Variants in MAML3 observed in about 807,000 individuals in gnomAD.
MAML3 encodes mastermind-like protein 3.
In MAML3, 27 loss-of-function variants were observed where a neutral mutation model predicts 101.9. That is an observed-to-expected ratio of 0.27 (90% CI 0.20 to 0.37). MAML3 has a LOEUF of 0.37. MAML3 is among the 10% of genes least tolerant of loss of function. The probability of loss-of-function intolerance (pLI) is 1.00; values close to 1 mark genes in which losing one functional copy is unlikely to be tolerated. For missense variants in MAML3, 1,316 were observed against 1,444.9 expected, an observed-to-expected ratio of 0.91 and a Z score of 1.45; for synonymous variants, 501 against 555.9, an observed-to-expected ratio of 0.90 and a Z score of 1.39.
At chr4:139,907,511 A>G (rs1287877649) in intron 1 of MAML3, among the ~76,000 whole-genome samples, 1 of 152,266 alleles carries the variant, frequency 6.6e-6, no homozygotes, top group Non-Finnish European at 1.5e-5. Flanking sequence ...CATGAAAGAA[A>G]AATTACACTT....
intron 1 of MAML3, among the ~76,000 whole-genome samples, chr4:140,101,839 G>A: frequency 6.6e-6 from 1 of 151,432 alleles, no homozygotes; most frequent in East Asian, 1.9e-4. Context: ...CACGTGCTGG[G>A]TCAGCTGAGC....
intron 2 of MAML3, among the ~76,000 whole-genome samples, chr4:139,827,523 C>T (rs1158212458): frequency 3.3e-5 from 5 of 151,962 alleles, no homozygotes; most frequent in Non-Finnish European, 7.4e-5. Context: ...TTAAAAATTA[C>T]AAAGGACTAG....
At chr4:140,145,595 C>T (rs994362382) in intron 1 of MAML3, among the ~76,000 whole-genome samples, 1 of 152,088 alleles carries the variant, frequency 6.6e-6, no homozygotes, top group African/African-American at 2.4e-5. Context: ...GAGACAGGGT[C>T]TCACTCTGTC....
chr4:139,748,389 A>AG lies in MAML3; in HGVS notation c.2080-17723dup, dbSNP rs201634071. On this transcript the variant is annotated intron_variant, in intron 2 of 4. Transcript: ENST00000509479. ...GTCACTAAGGGACCTGAATACCAGG[A>AG]GGAGGGTCTAGAAATGGAAAGAAGT... Among the ~76,000 whole-genome samples, 763 of 152,334 alleles carry AG rather than the reference A, an allele frequency of 5.0e-3. 23 individuals are homozygous for AG. The highest frequency in any genetic ancestry group is 0.046 in the Admixed American group (707 of 15,294).
chr4:139,857,603 A>G (rs959092469), intron 2 of MAML3, among the ~76,000 whole-genome samples: 1 of 152,166 alleles, frequency 6.6e-6, no homozygotes, highest in Non-Finnish European at 1.5e-5. Context: ...GACCACCTCC[A>G]GTGACAAGGA....
rs963304333 is a variant in MAML3, at chr4:139,785,083, A to C, written c.2080-54416T>G. 1.2e-4 allele frequency among the ~76,000 whole-genome samples: 19 copies of C among 152,226 alleles called. No individual in the cohort carries two copies. The highest frequency in any genetic ancestry group is 1.0e-4 in the Non-Finnish European group (7 of 68,048). On this transcript the variant is annotated intron_variant, in intron 2 of 4. Coordinates refer to ENST00000509479, the MANE Select transcript of MAML3 (RefSeq NM_018717.5). This position sits in a 1 kb window ranked among gnomAD's most constrained non-coding sequence, Gnocchi z 4.3. Reference sequence around the variant, plus strand: ...ACAAAATTACACTTGTACCCCTTACATTTGTACAAAAGAAGAAGGCGGCTA... The same window carrying C: ...ACAAAATTACACTTGTACCCCTTACCTTTGTACAAAAGAAGAAGGCGGCTA...
intron 2 of MAML3, among the ~76,000 whole-genome samples, chr4:139,781,049 T>C (rs937573035): frequency 2.6e-5 from 4 of 152,182 alleles, no homozygotes; most frequent in African/African-American, 9.7e-5. Context: ...CACATCCCTA[T>C]GCCCAACTAC....
chr4:139,938,325 C>T (rs1469654940), intron 1 of MAML3, among the ~76,000 whole-genome samples: 1 of 152,156 alleles, frequency 6.6e-6, no homozygotes, highest in Non-Finnish European at 1.5e-5. Context: ...TCTAGCCTGA[C>T]TCCATCCGTT....
At chr4:140,110,162 T>C (rs1728417672) in intron 1 of MAML3, among the ~76,000 whole-genome samples, 2 of 152,232 alleles carry the variant, frequency 1.3e-5, no homozygotes. Flanking sequence ...GATGATCATC[T>C]CAAGATTTTT....
rs140979610 is a variant in MAML3 at position 139,890,575 on chromosome 4, T to C, written c.861A>G (p.Thr287=). The change falls in exon 2 of 5, where the codon ACA becomes ACG. Residue 287 remains threonine (T), a synonymous_variant. Transcript: ENST00000509479. The surrounding 1 kb of genome is among the most constrained non-coding windows in gnomAD (Gnocchi z 4.1). ...EPLDDPTCID[T]SETSLSNQNK... ...TCTGATTTGAAAGAGATGTTTCTGA[T>C]GTGTCTATGCAAGTAGGGTCATCGA... 56 of 1,614,050 alleles carry C rather than the reference T, an allele frequency of 3.5e-5. No individual in the cohort carries two copies. Among genetic ancestry groups the C allele is most frequent in the Non-Finnish European group, 4.7e-5 (56 of 1,179,894 alleles).
intron 1 of MAML3, among the ~76,000 whole-genome samples, chr4:139,986,574 T>C (rs1050132750): frequency 6.6e-6 from 1 of 152,176 alleles, no homozygotes; most frequent in African/African-American, 2.4e-5. Flanking sequence ...TCTCAAGTCT[T>C]ACAATTAATA....
At chr4:139,883,645 A>G (rs948869976) in intron 2 of MAML3, among the ~76,000 whole-genome samples, 2 of 152,104 alleles carry the variant, frequency 1.3e-5, no homozygotes, top group African/African-American at 2.4e-5. Context: ...AACTTGAGAA[A>G]TGCAATTTAT....
At chr4:140,078,184 T>C (rs1727807177) in intron 1 of MAML3, among the ~76,000 whole-genome samples, 1 of 151,992 alleles carries the variant, frequency 6.6e-6, no homozygotes, top group Non-Finnish European at 1.5e-5. Context: ...GGATAAAAAG[T>C]ATAGGCAAAG....
intron 1 of MAML3, among the ~76,000 whole-genome samples, chr4:140,148,637 TAC>T (rs1283463785): frequency 6.6e-6 from 1 of 152,132 alleles, no homozygotes; most frequent in African/African-American, 2.4e-5. Flanking sequence ...AAAAAATTGA[TAC>T]AGAGCCAGTA....
At chr4:140,088,047 C>T (rs982081691) in intron 1 of MAML3, among the ~76,000 whole-genome samples, 6 of 152,022 alleles carry the variant, frequency 3.9e-5, no homozygotes, top group Admixed American at 6.5e-5. Context: ...TGGGCGACAT[C>T]GCAAGACCTC....
At chr4:140,119,054 A>G (rs1422399356) in intron 1 of MAML3, among the ~76,000 whole-genome samples, 1 of 152,206 alleles carries the variant, frequency 6.6e-6, no homozygotes, top group Non-Finnish European at 1.5e-5. Context: ...CAATACATAC[A>G]TTAACAGGCA....
chr4:139,934,482 A>C (rs1733467416), intron 1 of MAML3, among the ~76,000 whole-genome samples: 1 of 152,158 alleles, frequency 6.6e-6, no homozygotes, highest in Non-Finnish European at 1.5e-5. Context: ...TCAGCTGTGC[A>C]TGCGGCGGTG....
chr4:139,959,401 A>G (rs754400145), intron 1 of MAML3, among the ~76,000 whole-genome samples: 11 of 152,140 alleles, frequency 7.2e-5, no homozygotes, highest in Non-Finnish European at 1.3e-4. Context: ...AGGCTTCCAT[A>G]GCACTTTAGT....
chr4:139,986,711 A>C (rs1390144557), intron 1 of MAML3, among the ~76,000 whole-genome samples: 1 of 152,066 alleles, frequency 6.6e-6, no homozygotes, highest in Non-Finnish European at 1.5e-5. Context: ...AGCAAACTTG[A>C]CATTGGAAAG....
Sources: allele counts gnomAD v4.1 joint callset (sites outside exome capture counted in the v4.1 genomes callset), GRCh38; gene constraint gnomAD v4.1.1; non-coding constraint Gnocchi (gnomAD v3.1); transcripts MANE v1.5; gene names NCBI Gene and HGNC (gene_info 2026-07-23, HGNC 2026-07-21).